The following COL11A1 variants were observed in gnomAD, a reference collection of about 807,000 sequenced individuals.
The protein encoded by COL11A1 is collagen type XI alpha 1 chain.
Under a neutral mutation model 265.2 loss-of-function variants are expected in COL11A1, and 74 were observed. The observed-to-expected ratio is 0.28, with a 90% CI of 0.23 to 0.34. The LOEUF is 0.34. COL11A1 is among the 10% of genes least tolerant of loss of function. The pLI, the probability that COL11A1 is intolerant of heterozygous loss-of-function variation, is 1.00. For missense variants in COL11A1, 2,165 were observed against 2,263.6 expected (o/e 0.96, Z 0.88); for synonymous variants, 816 against 727.6 (o/e 1.12, Z -1.96).
chr1:103,068,348 G>T (rs184863940), intron 4 of COL11A1, among the ~76,000 whole-genome samples: 3 of 151,394 alleles, frequency 2.0e-5, no homozygotes, highest in South Asian at 4.2e-4. Context: ...AAAAAAACCC[G>T]CATGATCATT....
intron 4 of COL11A1, among the ~76,000 whole-genome samples, chr1:103,039,560 A>T (rs898108997): frequency 2.6e-5 from 4 of 152,124 alleles, no homozygotes; most frequent in African/African-American, 9.7e-5. Context: ...CAGGGAGAAG[A>T]CAACCATTTC....
intron 4 of COL11A1, among the ~76,000 whole-genome samples, chr1:103,055,725 A>G (rs1670192337): frequency 6.6e-6 from 1 of 152,232 alleles, no homozygotes; most frequent in Non-Finnish European, 1.5e-5. Context: ...TTCTTAAAAT[A>G]CTAGCTTTCA....
At chr1:102,993,233 A>G (rs185663023) in intron 28 of COL11A1, among the ~76,000 whole-genome samples, 1 of 152,246 alleles carries the variant, frequency 6.6e-6, no homozygotes, top group Non-Finnish European at 1.5e-5. Context: ...CGTATAGGCA[A>G]CCTACAAATT....
intron 46 of COL11A1, among the ~76,000 whole-genome samples, chr1:102,932,073 G>A (rs549999924): frequency 2.7e-5 from 4 of 150,082 alleles, no homozygotes; most frequent in African/African-American, 9.8e-5. Flanking sequence ...CTTTTAATTG[G>A]AGCATTTAGT....
intron 53 of COL11A1, 106 bp downstream of exon 53, chr1:102,913,531 A>G: frequency 1.9e-6 from 2 of 1,058,642 alleles, no homozygotes; most frequent in Non-Finnish European, 2.9e-6. Flanking sequence ...AAAAAAGTGC[A>G]TATACATAGA....
intron 41 of COL11A1, among the ~76,000 whole-genome samples, chr1:102,959,864 T>A (rs1172369850): frequency 1.3e-5 from 2 of 152,194 alleles, no homozygotes; most frequent in Non-Finnish European, 1.5e-5. Flanking sequence ...AAAAAATAAC[T>A]TAAAACAATT....
In COL11A1 at chr1:103,022,730, G is replaced by A; in HGVS notation, c.1245+12C>T. 6.2e-7 allele frequency: 1 copy of A among 1,613,450 alleles called. No homozygotes were observed. Among genetic ancestry groups the A allele is most frequent in the Non-Finnish European group, 8.5e-7 (1 of 1,179,892 alleles). The stretch of plus-strand genomic sequence containing the variant: ...AAGACATACAATGACACAGTGCATA[G>A]TATCAACTTACGCTTGTTTCTGTAA... On this transcript the variant is annotated intron_variant, in intron 8 of 66. Transcript: ENST00000370096.
chr1:103,027,884 T>G (rs1298097202), intron 5 of COL11A1, among the ~76,000 whole-genome samples: 2 of 152,178 alleles, frequency 1.3e-5, no homozygotes, highest in Non-Finnish European at 2.9e-5. Flanking sequence ...ACAAATTATC[T>G]TCTAACTTTC....
intron 36 of COL11A1, among the ~76,000 whole-genome samples, chr1:102,973,842 A>AAT (rs1662205136): frequency 6.6e-6 from 1 of 152,232 alleles, no homozygotes; most frequent in Non-Finnish European, 1.5e-5. Flanking sequence ...TATTGTAAAA[A>AAT]GTTAAGGATT....
chr1:102,974,964 G>A, intron 35 of COL11A1, 81 bp from the exon 36 acceptor site: 1 of 1,006,060 alleles, frequency 9.9e-7, no homozygotes, highest in South Asian at 1.3e-5. Context: ...TATTTACATA[G>A]ACAAAATACA....
chr1:102,970,363 T>A (rs972763259), intron 36 of COL11A1, 91 bp from the exon 37 acceptor site: 1 of 994,022 alleles, frequency 1.0e-6, no homozygotes, highest in Non-Finnish European at 1.5e-6. Context: ...TCTTTTCTTT[T>A]TATATTTCCA....
intron 3 of COL11A1, among the ~76,000 whole-genome samples, chr1:103,076,453 G>C (rs1671980277): frequency 6.6e-6 from 1 of 152,050 alleles, no homozygotes; most frequent in South Asian, 2.1e-4. Context: ...TGCTTCACAG[G>C]AGGGTCCCCT....
intron 63 of COL11A1, 144 bp downstream of exon 63, chr1:102,886,663 T>A: frequency 8.3e-7 from 1 of 1,197,994 alleles, no homozygotes; most frequent in East Asian, 2.4e-5. Context: ...TATAAATGAT[T>A]TTTTCTGTCT....
chr1:103,059,985 T>G (rs971909882), intron 4 of COL11A1, among the ~76,000 whole-genome samples: 1 of 152,064 alleles, frequency 6.6e-6, no homozygotes, highest in African/African-American at 2.4e-5. Context: ...TTGCCCAAAT[T>G]AATGTCAGAC....
chr1:103,048,921 C>G (rs973305026), intron 4 of COL11A1, among the ~76,000 whole-genome samples: 1 of 152,142 alleles, frequency 6.6e-6, no homozygotes, highest in Non-Finnish European at 1.5e-5. Flanking sequence ...GAGTGAGTTT[C>G]TTAATCCTGG....
At chr1:103,050,429 C>T (rs12130850) in intron 4 of COL11A1, among the ~76,000 whole-genome samples, 20,933 of 152,188 alleles carry the variant, frequency 0.14, 1,547 homozygotes, top group African/African-American at 0.15. Flanking sequence ...ACGTAGTTCT[C>T]GTGCCTTGGT....
At chr1:103,076,328 T>C (rs1370276696) in intron 3 of COL11A1, among the ~76,000 whole-genome samples, 19 of 152,126 alleles carry the variant, frequency 1.2e-4, no homozygotes. Flanking sequence ...AACTGGCCTC[T>C]GCTTCTACTC....
At chr1:103,004,518 GAACATTTGGACAATGTATCA>G in intron 19 of COL11A1, 30 bp from the exon 20 acceptor site, 1 of 1,600,936 alleles carries the variant, frequency 6.2e-7, no homozygotes, top group Non-Finnish European at 8.6e-7. Flanking sequence ...TGAGAGTATA[GAACATTTGGACAATGTATCA>G]TTTCAACATG....
At chr1:102,923,291 A>T in intron 47 of COL11A1, 45 bp downstream of exon 47, 3 of 1,467,626 alleles carry the variant, frequency 2.0e-6, no homozygotes, top group Non-Finnish European at 2.8e-6. Context: ...AGTGACTGCC[A>T]TGCATATAAC....
Sources: gnomAD v4.1 joint callset for allele counts (sites outside exome capture counted in the v4.1 genomes callset) on GRCh38, gnomAD v4.1.1 for gene constraint, MANE v1.5 for transcripts, NCBI Gene and HGNC (gene_info 2026-07-23, HGNC 2026-07-21) for gene names.